The following RNF130 variants were observed in gnomAD, a reference collection of about 807,000 sequenced individuals.
RNF130 encodes ring finger protein 130, also known as E3 ubiquitin-protein ligase RNF130.
RNF130 carries 21 observed loss-of-function variants against 44.6 expected under a neutral mutation model. That is an observed-to-expected ratio of 0.47 (90% CI 0.33 to 0.68). The LOEUF (loss-of-function observed/expected upper bound fraction) is 0.68. RNF130 is among the 30% of genes least tolerant of loss of function. The pLI is 0.02. For missense variants in RNF130, 479 were observed against 560.6 expected (o/e 0.85, Z 1.47); for synonymous variants, 214 against 210.4 (o/e 1.02, Z -0.15).
At chr5:179,937,080 AAC>A (rs1328327167) in intron 7 of RNF130, among the ~76,000 whole-genome samples, 2 of 152,252 alleles carry the variant, frequency 1.3e-5, no homozygotes, top group Non-Finnish European at 2.9e-5. Flanking sequence ...CCAATGAAAA[AAC>A]AGACAAATTG....
chr5:179,969,889 G>C (rs1365851467), intron 6 of RNF130, among the ~76,000 whole-genome samples: 4 of 152,184 alleles, frequency 2.6e-5, no homozygotes, highest in Non-Finnish European at 1.5e-5. Context: ...TACTCAGAAG[G>C]CTGAGGCAGG....
At chr5:179,964,819 G>A (rs909399818) in intron 7 of RNF130, among the ~76,000 whole-genome samples, 2 of 152,156 alleles carry the variant, frequency 1.3e-5, no homozygotes, top group Non-Finnish European at 2.9e-5. Context: ...CTATCTTTTA[G>A]ACACCAGTGC....
intron 1 of RNF130, among the ~76,000 whole-genome samples, chr5:180,054,346 G>A (rs1156367309): frequency 6.6e-6 from 1 of 152,106 alleles, no homozygotes; most frequent in Admixed American, 6.6e-5. Flanking sequence ...ATCACCAAAT[G>A]CAAAGAATTC....
intron 2 of RNF130, among the ~76,000 whole-genome samples, chr5:180,035,481 T>C (rs1764228519): frequency 6.6e-6 from 1 of 152,272 alleles, no homozygotes; most frequent in South Asian, 2.1e-4. Context: ...TTCTAGTCAG[T>C]ATGTAGAGTG....
chr5:179,921,005 T>C (rs1366125791), intron 7 of RNF130, among the ~76,000 whole-genome samples: 1 of 152,104 alleles, frequency 6.6e-6, no homozygotes, highest in African/African-American at 2.4e-5. Context: ...TGCCCCAATA[T>C]AATTATATTT....
At chr5:180,028,901 G>C (rs1260467396) in intron 2 of RNF130, among the ~76,000 whole-genome samples, 1 of 152,170 alleles carries the variant, frequency 6.6e-6, no homozygotes, top group Non-Finnish European at 1.5e-5. Context: ...AAGAAAAATT[G>C]ATTTCATAAT....
intron 3 of RNF130, among the ~76,000 whole-genome samples, chr5:180,006,737 C>T (rs1345250490): frequency 6.6e-6 from 1 of 152,154 alleles, no homozygotes; most frequent in Non-Finnish European, 1.5e-5. Context: ...CAATATTAAC[C>T]ATGTAACTGT....
intron 3 of RNF130, among the ~76,000 whole-genome samples, chr5:180,004,108 C>G (rs938027560): frequency 2.0e-5 from 3 of 152,120 alleles, no homozygotes; most frequent in African/African-American, 7.2e-5. Context: ...TCCAGACTTG[C>G]TGAATTAAGG....
At chr5:179,978,141 G>C in intron 5 of RNF130, 62 bp downstream of exon 5, 1 of 1,399,642 alleles carries the variant, frequency 7.1e-7, no homozygotes, top group Non-Finnish European at 1.0e-6. Flanking sequence ...TGCCCACCCT[G>C]AAAAGGAGGC....
intron 3 of RNF130, among the ~76,000 whole-genome samples, chr5:179,985,153 CTTTTT>C (rs34998254): frequency 6.3e-4 from 58 of 91,978 alleles, no homozygotes; most frequent in African/African-American, 2.2e-3. Context: ...TACCCCCTAA[CTTTTT>C]TTTTTTTTTT....
intron 7 of RNF130, chr5:179,939,653 A>AG: frequency 2.1e-6 from 1 of 465,242 alleles, no homozygotes; most frequent in Non-Finnish European, 4.3e-6. Context: ...GAATGAAGTG[A>AG]GGCCCTGTGA....
intron 7 of RNF130, among the ~76,000 whole-genome samples, chr5:179,941,885 C>G (rs1366945443): frequency 6.6e-6 from 1 of 152,056 alleles, no homozygotes; most frequent in South Asian, 2.1e-4. Flanking sequence ...AATACTGAAA[C>G]TGATTAACGG....
chr5:180,059,202 C>T (rs548517724), intron 1 of RNF130, among the ~76,000 whole-genome samples: 4 of 152,170 alleles, frequency 2.6e-5, no homozygotes, highest in South Asian at 2.1e-4. Context: ...TGGACTGAAA[C>T]ATCCTCCTTT....
rs1025564814 is a variant in RNF130 at position 179,966,948 on chromosome 5, A to G, written c.1008T>C (p.Ala336=). Residue 336 remains alanine (A), a synonymous_variant, in exon 7 of 9, where the codon GCT becomes GCC. Coordinates refer to ENST00000521389, the MANE Select transcript of RNF130 (RefSeq NM_018434.6). Reference sequence around the variant, plus strand: ...CGCCGAGGGCTGATCTTCGGTTAACAGCTTGGGTTCTGGTGAGCCTTTCCA... The same window carrying G: ...CGCCGAGGGCTGATCTTCGGTTAACGGCTTGGGTTCTGGTGAGCCTTTCCA... The part of the protein sequence containing the change: ...FDMERLTRTQ[A]VNRRSALGDL... The G allele has an allele frequency of 1.9e-6, 3 of 1,614,240 alleles. No homozygotes were observed. Among genetic ancestry groups the G allele is most frequent in the Admixed American group, 1.7e-5 (1 of 60,028 alleles).
intron 5 of RNF130, among the ~76,000 whole-genome samples, chr5:179,975,478 TAAA>T (rs906207300): frequency 6.6e-6 from 1 of 152,216 alleles, no homozygotes; most frequent in African/African-American, 2.4e-5. Flanking sequence ...TGCTCTAGCT[TAAA>T]GACTGTCACA....
At chr5:180,047,979 TG>T (rs1472030270) in intron 1 of RNF130, among the ~76,000 whole-genome samples, 1 of 147,366 alleles carries the variant, frequency 6.8e-6, no homozygotes, top group Non-Finnish European at 1.5e-5. Context: ...CCAGGGTTCA[TG>T]TTCACCATGT....
rs71001060 is a variant in RNF130, at chr5:179,933,398, T to TTGTG, written c.1151-12976_1151-12973dup. Among the ~76,000 whole-genome samples, 458 of 143,504 alleles carry TTGTG rather than the reference T, an allele frequency of 3.2e-3. 2 individuals carry two copies. The highest frequency in any genetic ancestry group is 5.7e-3 in the Non-Finnish European group (379 of 66,444). The allele number at this position is 143,504 out of a possible 152,430, so 94.1% of individuals were successfully genotyped here. ...ACTAACAATGTTCTCATAACCCTAT[T>TTGTG]TGTGTGTGTGTGTGTGTGTGTGTGA... On this transcript the variant is annotated intron_variant, in intron 7 of 7. Transcript: ENST00000522208.
At chr5:179,929,432 A>C (rs2065187883) in intron 7 of RNF130, among the ~76,000 whole-genome samples, 1 of 152,126 alleles carries the variant, frequency 6.6e-6, no homozygotes, top group Non-Finnish European at 1.5e-5. Flanking sequence ...TGTTATTCTT[A>C]GCTCTTTCCA....
chr5:179,930,294 G>A (rs1761790938), intron 7 of RNF130, among the ~76,000 whole-genome samples: 1 of 152,126 alleles, frequency 6.6e-6, no homozygotes, highest in South Asian at 2.1e-4. Context: ...CTGACCTCGT[G>A]ATCTGCCCGC....
Sources: allele counts gnomAD v4.1 joint callset (sites outside exome capture counted in the v4.1 genomes callset), GRCh38; gene constraint gnomAD v4.1.1; transcripts MANE v1.5; gene names NCBI Gene and HGNC (gene_info 2026-07-23, HGNC 2026-07-21).